Variants in RASGRP1 observed in about 807,000 individuals in gnomAD.
The protein encoded by RASGRP1 is RAS guanyl releasing protein 1, also known as RAS guanyl-releasing protein 1.
RASGRP1 carries 37 observed loss-of-function variants against 95.1 expected under a neutral mutation model. The ratio of observed to expected loss-of-function variants is 0.39; its 90% CI spans 0.30 to 0.51. RASGRP1 has a LOEUF of 0.51. Among genes scored for constraint, RASGRP1 ranks in the 20% least tolerant of loss-of-function variants. The probability of loss-of-function intolerance (pLI) is 0.80; values close to 1 mark genes in which losing one functional copy is unlikely to be tolerated. For missense variants in RASGRP1, 711 were observed against 965.4 expected (o/e 0.74, Z 3.49); for synonymous variants, 325 against 353.4 (o/e 0.92, Z 0.90).
At chr15:38,508,515 C>T (rs1307987519) in intron 8 of RASGRP1, among the ~76,000 whole-genome samples, 2 of 152,150 alleles carry the variant, frequency 1.3e-5, no homozygotes, top group African/African-American at 4.8e-5. Context: ...CTTCAGTAGT[C>T]TATTGTGTGT....
At chr15:38,530,389 G>A (rs1892388754) in intron 2 of RASGRP1, among the ~76,000 whole-genome samples, 1 of 152,218 alleles carries the variant, frequency 6.6e-6, no homozygotes, top group African/African-American at 2.4e-5. Flanking sequence ...GAACTGCAAA[G>A]TCACATGGAA....
Position 38,512,942 on chromosome 15 carries a change from C to G in RASGRP1, c.690G>C (p.Gln230His), listed in dbSNP as rs1344208503. 3.9e-6 allele frequency: 6 copies of G among 1,556,148 alleles called. No individual in the cohort carries two copies. The highest frequency in any genetic ancestry group is 3.5e-6 in the Non-Finnish European group (4 of 1,154,642). Residue 230 changes from glutamine to histidine, a missense_variant, in exon 7 of 17, where the codon CAG becomes CAC. Gln to His is a conservative substitution (Grantham distance 24). Around this residue, in one of 3 missense-constraint regions of RASGRP1, gnomAD observed 491 missense variants for 676.6 expected, o/e 0.73. Coordinates refer to ENST00000310803, the MANE Select transcript of RASGRP1 (RefSeq NM_005739.4). ...TCACACAGCTATTTACAAGGTAATTCTGATAATCAGAGAACTGCAGGAAAA... is the reference window on the plus strand; with the variant it reads ...TCACACAGCTATTTACAAGGTAATTGTGATAATCAGAGAACTGCAGGAAAA... ...SFRRISFSDY[Q>H]NYLVNSCVKE...
At chr15:38,545,622 T>C (rs1217904485) in intron 2 of RASGRP1, among the ~76,000 whole-genome samples, 2 of 151,930 alleles carry the variant, frequency 1.3e-5, no homozygotes, top group African/African-American at 4.8e-5. Flanking sequence ...GTTAGTGCCA[T>C]GTAGAAAACA....
chr15:38,522,457 CTG>C (rs1892039348), intron 3 of RASGRP1, among the ~76,000 whole-genome samples: 2 of 152,272 alleles, frequency 1.3e-5, no homozygotes, highest in African/African-American at 4.8e-5. Flanking sequence ...TTCACACTTT[CTG>C]TGAGTTTTTC....
intron 2 of RASGRP1, among the ~76,000 whole-genome samples, chr15:38,547,066 C>T (rs114292590): frequency 1.4e-3 from 212 of 152,310 alleles, no homozygotes; most frequent in African/African-American, 4.9e-3. Context: ...TCCACAGCCA[C>T]TCATAAATGG....
chr15:38,532,413 C>T lies in RASGRP1; in HGVS notation c.221-6009G>A, dbSNP rs146564393. ...TAGAGAAGCATATTAATTAAAGACT[C>T]ACTCAACCTGCAGACCACTTGCTCA... On this transcript the variant is annotated intron_variant, in intron 2 of 16. Transcript: ENST00000310803. Among the ~76,000 whole-genome samples the T allele has an allele frequency of 4.2e-3, 634 of 152,274 alleles. 6 individuals carry two copies. The highest frequency in any genetic ancestry group is 0.014 in the African/African-American group (582 of 41,562).
chr15:38,499,098 T>C (rs1890910339), intron 14 of RASGRP1, 152 bp from the exon 15 acceptor site: 1 of 1,060,880 alleles, frequency 9.4e-7, no homozygotes, highest in Non-Finnish European at 1.4e-6. Context: ...GAAGCTAGCA[T>C]TCTTCTCACT....
intron 8 of RASGRP1, among the ~76,000 whole-genome samples, chr15:38,509,306 C>G (rs926721681): frequency 1.3e-5 from 2 of 152,168 alleles, no homozygotes; most frequent in African/African-American, 4.8e-5. Context: ...ACAAGCACTG[C>G]AATACCATGA....
intron 2 of RASGRP1, among the ~76,000 whole-genome samples, chr15:38,549,943 T>A (rs568523648): frequency 6.6e-6 from 1 of 152,200 alleles, no homozygotes; most frequent in African/African-American, 2.4e-5. Flanking sequence ...TCTCACCCAG[T>A]TGCTAACTTA....
chr15:38,505,486 C>CG (rs111881238), intron 10 of RASGRP1, among the ~76,000 whole-genome samples: 7 of 151,952 alleles, frequency 4.6e-5, no homozygotes, highest in South Asian at 2.1e-4. Flanking sequence ...CTTCTTAATG[C>CG]GGGGGGGATG....
At chr15:38,495,996 G>C (rs1215837654) in intron 15 of RASGRP1, among the ~76,000 whole-genome samples, 1 of 152,072 alleles carries the variant, frequency 6.6e-6, no homozygotes, top group Non-Finnish European at 1.5e-5. Flanking sequence ...AAAGCAGTAA[G>C]AACAAAAAGC....
intron 15 of RASGRP1, among the ~76,000 whole-genome samples, chr15:38,497,021 C>T (rs150413994): frequency 3.3e-5 from 5 of 152,230 alleles, no homozygotes; most frequent in East Asian, 1.9e-4. Context: ...GTGTTAAGCC[C>T]GATTTTAAGT....
chr15:38,496,160 A>C (rs1890784040), intron 15 of RASGRP1, among the ~76,000 whole-genome samples: 1 of 152,234 alleles, frequency 6.6e-6, no homozygotes, highest in Non-Finnish European at 1.5e-5. Context: ...TGATTTGATA[A>C]GCAGAAACCA....
chr15:38,542,427 G>A (rs987230986), intron 2 of RASGRP1, among the ~76,000 whole-genome samples: 5 of 151,948 alleles, frequency 3.3e-5, no homozygotes, highest in Non-Finnish European at 7.4e-5. Context: ...AAGAGATCCA[G>A]GGATGGAGCA....
intron 1 of RASGRP1, among the ~76,000 whole-genome samples, chr15:38,564,379 C>G (rs1362570919): frequency 3.3e-5 from 5 of 152,098 alleles, no homozygotes; most frequent in Non-Finnish European, 5.9e-5. Flanking sequence ...CGCCCCTCTA[C>G]CACCCCTCAG....
intron 8 of RASGRP1, among the ~76,000 whole-genome samples, chr15:38,509,777 A>AT (rs1891424909): frequency 6.6e-6 from 1 of 152,016 alleles, no homozygotes; most frequent in African/African-American, 2.4e-5. Context: ...TTTCCATTAA[A>AT]TTTTTTTTGG....
rs192394608 is a variant in RASGRP1, at chr15:38,518,320, G to A, written c.493C>T (p.His165Tyr). Residue 165 changes from histidine to tyrosine, a missense_variant, in exon 5 of 17, where the codon CAT (histidine) becomes TAT (tyrosine). By Grantham distance (83) the His-to-Tyr change is moderately conservative. Around this residue, in one of 3 missense-constraint regions of RASGRP1, gnomAD observed 491 missense variants for 676.6 expected, o/e 0.73. Transcript: ENST00000310803. ...ELVKAKGEELHCRLIDTTQIN... is the reference protein window; with the variant it reads ...ELVKAKGEELYCRLIDTTQIN... ...TGAGTTGTGTCAATCAGGCGGCAAT[G>A]TAACTCCTCACCCTTAGCTTTCACC... 115 of 1,610,524 alleles carry A rather than the reference G, an allele frequency of 7.1e-5. No homozygotes were observed. In the Admixed American group the frequency reaches 1.7e-3, roughly 23 times the overall value.
At chr15:38,555,316 C>T (rs886154874) in intron 2 of RASGRP1, among the ~76,000 whole-genome samples, 25 of 152,224 alleles carry the variant, frequency 1.6e-4, no homozygotes, top group Admixed American at 1.0e-3. Flanking sequence ...CACTGATTCA[C>T]ACTTTGCTCA....
chr15:38,564,555 A>G, intron 1 of RASGRP1, 39 bp downstream of exon 1: 2 of 1,354,170 alleles, frequency 1.5e-6, no homozygotes, highest in South Asian at 2.0e-5. Context: ...CCAAGAAAGG[A>G]CACAGGCGCT....
Sources: gnomAD v4.1 joint callset for allele counts (sites outside exome capture counted in the v4.1 genomes callset) on GRCh38, gnomAD v4.1.1 for gene constraint, gnomAD v4.1.1 regional missense constraint, MANE v1.5 for transcripts, NCBI Gene and HGNC (gene_info 2026-07-23, HGNC 2026-07-21) for gene names.